The following SHISAL1 variants were observed in gnomAD, a reference collection of about 807,000 sequenced individuals.
SHISAL1 encodes shisa like 1, also known as protein shisa-like-1.
Under a neutral mutation model 22.6 loss-of-function variants are expected in SHISAL1, and 9 were observed. The observed-to-expected ratio is 0.40, with a 90% CI of 0.24 to 0.70. The LOEUF (loss-of-function observed/expected upper bound fraction) is 0.70. Among genes scored for constraint, SHISAL1 ranks in the 30% least tolerant of loss-of-function variants. SHISAL1 has a pLI of 0.39. For synonymous variants in SHISAL1, 119 were observed against 115.4 expected (o/e 1.03, Z -0.20); for missense variants, 246 against 270.6 (o/e 0.91, Z 0.64).
rs778011425 is a variant in SHISAL1, at chr22:44,300,989, G to C, written c.-32-12C>G. 5 of 1,573,516 alleles carry C rather than the reference G, an allele frequency of 3.2e-6. No individual in the cohort carries two copies. The highest frequency in any genetic ancestry group is 2.2e-5 in the East Asian group (1 of 44,460). The stretch of plus-strand genomic sequence containing the variant: ...CCGTCCAGAGCTGCCTGTTCAATGA[G>C]AGCCACGAGAGGCTGGGTGTGGGCT... On this transcript the variant is annotated splice_polypyrimidine_tract_variant and intron_variant, in intron 1 of 4. Coordinates refer to ENST00000381176, the MANE Select transcript of SHISAL1 (RefSeq NM_001099294.2).
rs1428472072 is a variant in SHISAL1, at chr22:44,248,995, C to T, written c.*690G>A. ...GCAGCCCTTAGTATTACTATTGTTA[C>T]AGGAACGAATTCTGTAAGAAACAAC... is the stretch of plus-strand genomic sequence containing the variant. On this transcript the variant is annotated 3_prime_UTR_variant, in exon 5 of 5. Coordinates refer to ENST00000381176, the MANE Select transcript of SHISAL1 (RefSeq NM_001099294.2). 3 of 152,150 alleles carry T rather than the reference C, an allele frequency of 2.0e-5. No individual in the cohort carries two copies. Among genetic ancestry groups the T allele is most frequent in the Admixed American group, 6.5e-5 (1 of 15,278 alleles). 9.4% of individuals were successfully genotyped at this position (152,150 alleles called of 1,614,324 possible).
chr22:44,327,630 GT>G, the SHISAL1 span, among the ~76,000 whole-genome samples: 9 of 152,082 alleles, frequency 5.9e-5, no homozygotes, highest in Admixed American at 5.9e-4. Flanking sequence ...TCCCTAGGGG[GT>G]TCATGCTTAG....
At chr22:44,274,232 A>G (rs135410) in intron 4 of SHISAL1, among the ~76,000 whole-genome samples, 4,255 of 152,286 alleles carry the variant, frequency 0.028, 72 homozygotes, top group Middle Eastern at 0.048. Flanking sequence ...CCTGGGCGAC[A>G]GAATGAGACT....
chr22:44,249,463 G>A lies in SHISAL1; in HGVS notation c.*222C>T. 2.0e-6 allele frequency: 1 copy of A among 507,824 alleles called. No homozygotes were observed. The highest frequency in any genetic ancestry group is 3.6e-6 in the Non-Finnish European group (1 of 280,312). 31.5% of individuals were successfully genotyped at this position (507,824 alleles called of 1,614,324 possible). On this transcript the variant is annotated 3_prime_UTR_variant, in exon 5 of 5. Transcript: ENST00000381176. ...TAGGACTATTGCTTGCGGACAGGTG[G>A]CTCAGAATCCCCTCCCCTGCACCCC...
intron 4 of SHISAL1, among the ~76,000 whole-genome samples, chr22:44,260,133 CT>C (rs962842808): frequency 2.8e-4 from 43 of 152,126 alleles, no homozygotes; most frequent in African/African-American, 1.0e-3. Context: ...ACTCCCTCCC[CT>C]GCATGCCTTT....
the SHISAL1 span, among the ~76,000 whole-genome samples, chr22:44,323,249 T>TCTA: frequency 1.5e-5 from 2 of 131,498 alleles, no homozygotes; most frequent in East Asian, 2.5e-4. Context: ...CATCCATCCA[T>TCTA]TCATCCATCC....
At chr22:44,328,394 C>T in the SHISAL1 span, among the ~76,000 whole-genome samples, 4 of 152,274 alleles carry the variant, frequency 2.6e-5, no homozygotes, top group East Asian at 1.9e-4. Flanking sequence ...AGCTGGGTTC[C>T]GAGTGTGCTC....
upstream of SHISAL1, among the ~76,000 whole-genome samples, chr22:44,313,732 G>A (rs572481786): frequency 4.9e-4 from 74 of 152,322 alleles, no homozygotes; most frequent in African/African-American, 1.6e-3. Flanking sequence ...GTGGTACCTT[G>A]GCGGCGCCCT....
intron 4 of SHISAL1, among the ~76,000 whole-genome samples, chr22:44,284,897 G>GCCTTCCTTCCTTCCTTCCTTCCTT (rs56376829): frequency 4.0e-4 from 54 of 134,592 alleles, no homozygotes; most frequent in African/African-American, 1.4e-3. Context: ...CTGCCTTCCT[G>GCCTTCCTTCCTTCCTTCCTTCCTT]CCTTCCTTCC....
chr22:44,260,909 G>A (rs1347432078), intron 4 of SHISAL1, among the ~76,000 whole-genome samples: 3 of 151,796 alleles, frequency 2.0e-5, no homozygotes, highest in Admixed American at 6.6e-5. Context: ...ATGTGGCTTC[G>A]GTCACTCCCT....
Position 44,277,607 on chromosome 22 carries a change from G to T in SHISAL1, c.599+7821C>A, listed in dbSNP as rs558633931. On this transcript the variant is annotated intron_variant, in intron 4 of 4. Transcript: ENST00000381176. ...AGGGGATCCCTACAGCAGGTTCCAG[G>T]CAGTGCTGGAGAGCTGGAAACCCTC... 2.0e-5 allele frequency among the ~76,000 whole-genome samples: 3 copies of T among 152,294 alleles called. No individual in the cohort carries two copies. The East Asian group carries it at 5.8e-4, about 29-fold the overall frequency.
intron 1 of SHISAL1, among the ~76,000 whole-genome samples, chr22:44,301,764 C>T (rs1008323302): frequency 6.6e-6 from 1 of 152,262 alleles, no homozygotes; most frequent in African/African-American, 2.4e-5. Context: ...GCAGGGGGAT[C>T]CCAGAGGGAA....
chr22:44,329,832 T>A, the SHISAL1 span, among the ~76,000 whole-genome samples: 1 of 152,178 alleles, frequency 6.6e-6, no homozygotes, highest in Non-Finnish European at 1.5e-5. Context: ...GAAGGTTATT[T>A]GAATTCTGCT....
intron 3 of SHISAL1, 93 bp downstream of exon 3, chr22:44,296,579 C>T: frequency 9.0e-7 from 1 of 1,109,788 alleles, no homozygotes; most frequent in Non-Finnish European, 1.3e-6. Flanking sequence ...ATAGCGGTTA[C>T]CCAACCGCCT....
the SHISAL1 span, among the ~76,000 whole-genome samples, chr22:44,321,590 C>G: frequency 6.6e-6 from 1 of 152,232 alleles, no homozygotes; most frequent in Admixed American, 6.5e-5. Context: ...TCCCTGCAGA[C>G]TGTGAGCCTG....
chr22:44,244,239 G>T lies in SHISAL1; in HGVS notation c.*5446C>A, dbSNP rs1423554802. On this transcript the variant is annotated 3_prime_UTR_variant, in exon 5 of 5. Coordinates refer to ENST00000381176, the MANE Select transcript of SHISAL1 (RefSeq NM_001099294.2). ...CTATAGTTTTAGATCCTGTGCTCAG[G>T]GTTGGCGCTGACCAATGTGGGATCC... The T allele has an allele frequency of 6.6e-6, 1 of 152,234 alleles. No homozygotes were observed. The highest frequency in any genetic ancestry group is 2.4e-5 in the African/African-American group (1 of 41,432). 9.4% of individuals were successfully genotyped at this position (152,234 alleles called of 1,614,324 possible). A position where few individuals can be genotyped will look rare whatever the true frequency, so the allele number is the denominator to read the frequency against.
At chr22:44,318,823 A>G in the SHISAL1 span, among the ~76,000 whole-genome samples, 45 of 152,340 alleles carry the variant, frequency 3.0e-4, no homozygotes, top group East Asian at 8.7e-3. Context: ...CCCTCGGGTG[A>G]GGACACAGAG....
the SHISAL1 span, among the ~76,000 whole-genome samples, chr22:44,331,095 G>A: frequency 6.6e-6 from 1 of 151,842 alleles, no homozygotes; most frequent in Admixed American, 6.5e-5. The surrounding 1 kb of genome is among the most constrained non-coding windows in gnomAD (Gnocchi z 5.2). Flanking sequence ...CGGCCGCCGC[G>A]TCCCGGCGCG....
At chr22:44,293,606 A>G (rs949669467) in intron 3 of SHISAL1, among the ~76,000 whole-genome samples, 1 of 152,256 alleles carries the variant, frequency 6.6e-6, no homozygotes, top group South Asian at 2.1e-4. Context: ...CAGAATGACT[A>G]AAGTGATTCC....
Sources: gnomAD v4.1 joint callset for allele counts (sites outside exome capture counted in the v4.1 genomes callset) on GRCh38, gnomAD v4.1.1 for gene constraint, Gnocchi (gnomAD v3.1) non-coding constraint, MANE v1.5 for transcripts, NCBI Gene and HGNC (gene_info 2026-07-23, HGNC 2026-07-21) for gene names.